The following SHISA9 variants were observed in gnomAD, a reference collection of about 807,000 sequenced individuals.
SHISA9 encodes shisa family member 9.
In SHISA9, 13 loss-of-function variants were observed where a neutral mutation model predicts 38.0. The observed-to-expected ratio is 0.34, with a 90% confidence interval of 0.22 to 0.54. The LOEUF (loss-of-function observed/expected upper bound fraction) is 0.54. Ranked by LOEUF, SHISA9 falls within the 20% of genes least tolerant of loss-of-function variation. SHISA9 has a pLI of 0.91. For missense variants in SHISA9, 538 were observed against 575.8 expected, an observed-to-expected ratio of 0.93 and a Z score of 0.67; for synonymous variants, 275 against 242.0, an observed-to-expected ratio of 1.14 and a Z score of -1.27.
At chr16:13,323,615 C>T in the SHISA9 span, among the ~76,000 whole-genome samples, 3 of 152,182 alleles carry the variant, frequency 2.0e-5, no homozygotes, top group Admixed American at 1.3e-4. Flanking sequence ...CTCACAGTTC[C>T]GCACGCCTGG....
At chr16:12,926,242 C>A (rs1280056320) in intron 2 of SHISA9, among the ~76,000 whole-genome samples, 1 of 152,086 alleles carries the variant, frequency 6.6e-6, no homozygotes, top group Non-Finnish European at 1.5e-5. Flanking sequence ...TTCTAAAGGA[C>A]CTATACTGGG....
the SHISA9 span, among the ~76,000 whole-genome samples, chr16:13,278,005 G>A: frequency 6.6e-6 from 1 of 152,056 alleles, no homozygotes; most frequent in East Asian, 1.9e-4. Context: ...ATTCTCAGAG[G>A]GAATGCTTTC....
chr16:13,362,209 A>G, the SHISA9 span, among the ~76,000 whole-genome samples: 2 of 91,222 alleles, frequency 2.2e-5, no homozygotes, highest in Non-Finnish European at 2.3e-5. Flanking sequence ...ACTAAGAACG[A>G]CAGCCAAAAA....
the SHISA9 span, among the ~76,000 whole-genome samples, chr16:13,249,017 G>A: frequency 1.3e-5 from 2 of 152,158 alleles, no homozygotes; most frequent in Admixed American, 1.3e-4. Context: ...TAGCTACTCT[G>A]GCTCATTGCA....
At chr16:13,268,858 T>C in the SHISA9 span, among the ~76,000 whole-genome samples, 12 of 152,202 alleles carry the variant, frequency 7.9e-5, no homozygotes, top group South Asian at 2.1e-4. Context: ...ACATATTACG[T>C]GTCCAATTGG....
At chr16:12,946,268 G>A (rs535855959) in intron 2 of SHISA9, among the ~76,000 whole-genome samples, 1 of 152,218 alleles carries the variant, frequency 6.6e-6, no homozygotes, top group Admixed American at 6.5e-5. Flanking sequence ...TTGCAGTCAG[G>A]TAGTGTGATG....
At chr16:13,299,922 C>T in the SHISA9 span, among the ~76,000 whole-genome samples, 14 of 152,168 alleles carry the variant, frequency 9.2e-5, no homozygotes, top group Non-Finnish European at 5.9e-5. Flanking sequence ...TATAGGGTGA[C>T]GGTGACTGTG....
chr16:13,353,578 C>T, the SHISA9 span, among the ~76,000 whole-genome samples: 1 of 151,858 alleles, frequency 6.6e-6, no homozygotes, highest in African/African-American at 2.4e-5. Flanking sequence ...GTAGGGATGA[C>T]AAGTTTTTTG....
chr16:13,103,410 G>A (rs536109255), intron 2 of SHISA9, among the ~76,000 whole-genome samples: 1 of 152,290 alleles, frequency 6.6e-6, no homozygotes, highest in East Asian at 1.9e-4. Flanking sequence ...TTGCACATTT[G>A]AGGTCACAGA....
chr16:13,020,001 T>TTCCTTCCC (rs2072831596), intron 2 of SHISA9, among the ~76,000 whole-genome samples: 1 of 132,438 alleles, frequency 7.6e-6, no homozygotes, highest in African/African-American at 2.9e-5. Flanking sequence ...CCTTCCTTCC[T>TTCCTTCCC]TCCTTCCTTC....
chr16:13,254,018 G>T, the SHISA9 span, among the ~76,000 whole-genome samples: 1 of 151,906 alleles, frequency 6.6e-6, no homozygotes, highest in Non-Finnish European at 1.5e-5. Context: ...TCTAATTAGG[G>T]CTACTGCACA....
intron 2 of SHISA9, among the ~76,000 whole-genome samples, chr16:13,171,343 T>C (rs1196172365): frequency 6.6e-6 from 1 of 152,026 alleles, no homozygotes; most frequent in African/African-American, 2.4e-5. Context: ...CCAAACCATA[T>C]CAGGCTTCTA....
At chr16:13,176,829 C>A (rs2050735641) in intron 2 of SHISA9, among the ~76,000 whole-genome samples, 1 of 152,008 alleles carries the variant, frequency 6.6e-6, no homozygotes, top group African/African-American at 2.4e-5. Context: ...ATCTGCAACC[C>A]TCAGATCACC....
intron 2 of SHISA9, among the ~76,000 whole-genome samples, chr16:13,137,827 GC>G (rs987134823): frequency 6.6e-6 from 1 of 152,036 alleles, no homozygotes; most frequent in African/African-American, 2.4e-5. Context: ...CTATTCCTGG[GC>G]CCCAGTTCAT....
chr16:13,274,387 T>G, the SHISA9 span, among the ~76,000 whole-genome samples: 12 of 152,178 alleles, frequency 7.9e-5, no homozygotes, highest in African/African-American at 2.9e-4. Context: ...TATATATACT[T>G]AGGAAATGCA....
At chr16:12,966,749 A>G (rs2071984400) in intron 2 of SHISA9, among the ~76,000 whole-genome samples, 1 of 152,208 alleles carries the variant, frequency 6.6e-6, no homozygotes, top group Non-Finnish European at 1.5e-5. Context: ...TGCTAAGAAA[A>G]TTTACTGAGT....
intron 2 of SHISA9, among the ~76,000 whole-genome samples, chr16:12,921,396 A>C (rs984047218): frequency 6.6e-6 from 1 of 152,198 alleles, no homozygotes; most frequent in South Asian, 2.1e-4. Flanking sequence ...ATCTAGGACC[A>C]TTTATGAGTC....
chr16:13,467,732 G>C, the SHISA9 span, among the ~76,000 whole-genome samples: 1 of 152,224 alleles, frequency 6.6e-6, no homozygotes, highest in Non-Finnish European at 1.5e-5. Flanking sequence ...GGGGCAGCAA[G>C]ATGTTGAGCT....
chr16:13,433,706 G>C, the SHISA9 span, among the ~76,000 whole-genome samples: 1 of 152,178 alleles, frequency 6.6e-6, no homozygotes, highest in East Asian at 1.9e-4. Flanking sequence ...TAAAAACTCT[G>C]GGAATGCAAG....
Sources: gnomAD v4.1 joint callset for allele counts (sites outside exome capture counted in the v4.1 genomes callset) on GRCh38, gnomAD v4.1.1 for gene constraint, MANE v1.5 for transcripts, NCBI Gene and HGNC (gene_info 2026-07-23, HGNC 2026-07-21) for gene names.